Variants in CYP19A1 observed in about 807,000 individuals in gnomAD.
CYP19A1 encodes the protein cytochrome P450 family 19 subfamily A member 1.
In CYP19A1, 32 loss-of-function variants were observed where a neutral mutation model predicts 44.4. The ratio of observed to expected loss-of-function variants is 0.72; its 90% CI spans 0.54 to 0.97. The LOEUF (loss-of-function observed/expected upper bound fraction) is 0.97. CYP19A1 is among the 50% of genes least tolerant of loss of function. CYP19A1 has a pLI of 0.00. For synonymous variants in CYP19A1, 212 were observed against 215.6 expected, an observed-to-expected ratio of 0.98 and a Z score of 0.14; for missense variants, 598 against 637.8, an observed-to-expected ratio of 0.94 and a Z score of 0.67.
At chr15:51,329,695 G>T (rs2036670231) in intron 1 of CYP19A1, among the ~76,000 whole-genome samples, 1 of 152,230 alleles carries the variant, frequency 6.6e-6, no homozygotes, top group Non-Finnish European at 1.5e-5. Flanking sequence ...CAGGAAGCAA[G>T]ATCTCAGAAA....
chr15:51,336,169 C>T (rs1461465014), intron 1 of CYP19A1, among the ~76,000 whole-genome samples: 8 of 152,112 alleles, frequency 5.3e-5, no homozygotes, highest in Admixed American at 3.3e-4. Flanking sequence ...GCATTTGTCT[C>T]GTGGCCGCAT....
intron 1 of CYP19A1, among the ~76,000 whole-genome samples, chr15:51,297,053 G>C (rs373633247): frequency 6.6e-6 from 1 of 152,204 alleles, no homozygotes; most frequent in African/African-American, 2.4e-5. Context: ...GTTTCCAAAA[G>C]GGCCAAGTGA....
intron 1 of CYP19A1, chr15:51,277,269 G>C (rs964597673): frequency 2.0e-5 from 3 of 152,042 alleles, no homozygotes; most frequent in Non-Finnish European, 4.4e-5. Flanking sequence ...TGCCCTTTGA[G>C]TGCCCCAAGT....
chr15:51,209,636 C>G lies in CYP19A1; in HGVS notation c.*1172G>C, dbSNP rs544673636. ...CCAAGGTGTGCAATTTATCCATGAC[C>G]ACATACAATGATTCAATGAACTAGA... On this transcript the variant is annotated 3_prime_UTR_variant, in exon 10 of 10. Transcript: ENST00000396402. 1.3e-5 allele frequency: 2 copies of G among 152,634 alleles called. No homozygotes were observed. Among genetic ancestry groups the G allele is most frequent in the Admixed American group, 6.5e-5 (1 of 15,276 alleles). The allele number at this position is 152,634 out of a possible 1,614,324, so 9.5% of individuals were successfully genotyped here.
rs4324076 is a variant in CYP19A1, at chr15:51,218,671, A to C, written c.629-16T>G. 790,931 of 1,603,584 alleles carry C rather than the reference A, an allele frequency of 0.49. 200,283 individuals are homozygous for C. Among genetic ancestry groups the C allele is most frequent in the Non-Finnish European group, 0.53 (619,679 of 1,174,342 alleles). ...ATAGCACTTTCTGTAGGAAAAAAAAACACACATACACAAGAAAGAGCAGTT... is the reference window on the plus strand; with the variant it reads ...ATAGCACTTTCTGTAGGAAAAAAAACCACACATACACAAGAAAGAGCAGTT... On this transcript the variant is annotated splice_polypyrimidine_tract_variant and intron_variant, in intron 5 of 9. Coordinates refer to ENST00000396402, the MANE Select transcript of CYP19A1 (RefSeq NM_000103.4).
chr15:51,218,780 C>T (rs1011411343), intron 5 of CYP19A1, 125 bp from the exon 6 acceptor site: 6 of 1,499,258 alleles, frequency 4.0e-6, no homozygotes, highest in Non-Finnish European at 5.3e-6. Flanking sequence ...GTTCTAAGCT[C>T]AGCAAGATTC....
intron 1 of CYP19A1, chr15:51,293,604 C>T (rs117367099): frequency 0.037 from 5,591 of 152,758 alleles, 126 homozygotes; most frequent in Middle Eastern, 0.064. Context: ...CCTCTGATGC[C>T]GATCCAAAGC....
chr15:51,277,079 A>AAAGTGGTAC (rs2035340517), intron 1 of CYP19A1: 2 of 152,200 alleles, frequency 1.3e-5, no homozygotes, highest in Admixed American at 1.3e-4. Context: ...AAAAAGAGAG[A>AAAGTGGTAC]AAGTGGTACA....
intron 1 of CYP19A1, among the ~76,000 whole-genome samples, chr15:51,272,416 G>A (rs2035161235): frequency 6.6e-6 from 1 of 152,152 alleles, no homozygotes; most frequent in African/African-American, 2.4e-5. Context: ...CATCGTTTGA[G>A]TGCAATAAAA....
intron 1 of CYP19A1, among the ~76,000 whole-genome samples, chr15:51,265,859 C>T (rs2034899032): frequency 6.6e-6 from 1 of 152,164 alleles, no homozygotes; most frequent in African/African-American, 2.4e-5. Flanking sequence ...ATACTCTGGT[C>T]GTTATCTGCC....
intron 1 of CYP19A1, among the ~76,000 whole-genome samples, chr15:51,262,758 C>T (rs16964228): frequency 0.2 from 30,313 of 152,046 alleles, 3,791 homozygotes; most frequent in African/African-American, 0.35. Flanking sequence ...GTGACATGTC[C>T]TAGCTCTTAG....
At chr15:51,251,997 G>A (rs920130015) in intron 1 of CYP19A1, among the ~76,000 whole-genome samples, 2 of 152,110 alleles carry the variant, frequency 1.3e-5, no homozygotes, top group East Asian at 3.8e-4. Flanking sequence ...CTTACCCTTT[G>A]TCTTAGCTGC....
At chr15:51,254,293 T>C (rs1365265774) in intron 1 of CYP19A1, among the ~76,000 whole-genome samples, 1 of 152,214 alleles carries the variant, frequency 6.6e-6, no homozygotes, top group Non-Finnish European at 1.5e-5. Flanking sequence ...TTACGTCTCA[T>C]AGTCGACAAG....
intron 1 of CYP19A1, among the ~76,000 whole-genome samples, chr15:51,283,673 A>G (rs1238131534): frequency 6.6e-6 from 1 of 152,222 alleles, no homozygotes; most frequent in East Asian, 1.9e-4. Flanking sequence ...AAGAACTACT[A>G]CCGTCAATCA....
chr15:51,317,445 A>G (rs1220374013), intron 1 of CYP19A1, among the ~76,000 whole-genome samples: 1 of 152,106 alleles, frequency 6.6e-6, no homozygotes, highest in Non-Finnish European at 1.5e-5. Flanking sequence ...AATAAATATT[A>G]TTTTTGTTTT....
chr15:51,325,679 A>T (rs766372352), intron 1 of CYP19A1, among the ~76,000 whole-genome samples: 3 of 152,058 alleles, frequency 2.0e-5, no homozygotes, highest in Non-Finnish European at 4.4e-5. Context: ...CTCTACTAAA[A>T]ATACAAAAAT....
chr15:51,287,174 T>A (rs2035723904), intron 1 of CYP19A1, among the ~76,000 whole-genome samples: 1 of 152,154 alleles, frequency 6.6e-6, no homozygotes, highest in Non-Finnish European at 1.5e-5. Context: ...GCAAGAAAAT[T>A]TATTAGTCCT....
In CYP19A1 at chr15:51,336,151, C is replaced by T. The variant is rs150584221; in HGVS notation, c.-39+2344G>A. 2.5e-4 allele frequency among the ~76,000 whole-genome samples: 38 copies of T among 152,302 alleles called. No individual in the cohort carries two copies. In the East Asian group the frequency reaches 5.6e-3, roughly 22 times the overall value. ...TGATCTCAAGGAACTGCATTCCTTT[C>T]TTCCAGAGCATTTGTCTCGTGGCCG... On this transcript the variant is annotated intron_variant, in intron 1 of 9. Coordinates refer to ENST00000396402, the MANE Select transcript of CYP19A1 (RefSeq NM_000103.4).
chr15:51,262,053 A>T (rs1282077512), intron 1 of CYP19A1, among the ~76,000 whole-genome samples: 1 of 152,208 alleles, frequency 6.6e-6, no homozygotes, highest in Non-Finnish European at 1.5e-5. Context: ...CATAATGCCC[A>T]TGCTGAAGGT....
Sources: gnomAD v4.1 joint callset for allele counts (sites outside exome capture counted in the v4.1 genomes callset) on GRCh38, gnomAD v4.1.1 for gene constraint, MANE v1.5 for transcripts, NCBI Gene and HGNC (gene_info 2026-07-23, HGNC 2026-07-21) for gene names.